The following CCBE1 variants were observed in gnomAD, a reference collection of about 807,000 sequenced individuals.
CCBE1 encodes collagen and calcium-binding EGF domain-containing protein 1.
Under a neutral mutation model 50.0 loss-of-function variants are expected in CCBE1, and 37 were observed. The observed-to-expected ratio is 0.74, with a 90% CI of 0.57 to 0.97. The LOEUF is 0.97. CCBE1 is among the 50% of genes least tolerant of loss of function. CCBE1 has a pLI of 0.00. For synonymous variants in CCBE1, 234 were observed against 203.7 expected, an observed-to-expected ratio of 1.15 and a Z score of -1.27; for missense variants, 538 against 523.8, an observed-to-expected ratio of 1.03 and a Z score of -0.26.
chr18:59,486,744 G>T (rs1190888395), intron 2 of CCBE1, among the ~76,000 whole-genome samples: 2 of 152,170 alleles, frequency 1.3e-5, no homozygotes, highest in East Asian at 3.9e-4. Flanking sequence ...AGTCTGGTGA[G>T]AAGGAAGACT....
intron 2 of CCBE1, among the ~76,000 whole-genome samples, chr18:59,668,960 G>C (rs1235482766): frequency 6.6e-6 from 1 of 151,434 alleles, no homozygotes; most frequent in Non-Finnish European, 1.5e-5. Flanking sequence ...GAGTAGCTGG[G>C]ATTACTGGGA....
intron 2 of CCBE1, among the ~76,000 whole-genome samples, chr18:59,567,120 T>A (rs1438267806): frequency 6.6e-6 from 1 of 152,156 alleles, no homozygotes. Context: ...TTTTTTCTTT[T>A]CTTTTCTTTT....
chr18:59,611,704 C>G lies in CCBE1; in HGVS notation c.212+84925G>C, dbSNP rs565387724. On this transcript the variant is annotated intron_variant, in intron 2 of 10. Coordinates refer to ENST00000439986, the MANE Select transcript of CCBE1 (RefSeq NM_133459.4). The stretch of plus-strand genomic sequence containing the variant: ...GAGGTTGCAGTGAACCAAGATTGTG[C>G]CACTGCACTCCAGCATGGGCAACAG... Among the ~76,000 whole-genome samples the G allele has an allele frequency of 5.3e-5, 8 of 152,116 alleles. No homozygotes were observed. In the East Asian group the frequency reaches 1.5e-3, roughly 29 times the overall value.
At chr18:59,528,837 T>G (rs1262343715) in intron 2 of CCBE1, among the ~76,000 whole-genome samples, 1 of 152,178 alleles carries the variant, frequency 6.6e-6, no homozygotes, top group African/African-American at 2.4e-5. Flanking sequence ...TGCTCCTTCC[T>G]CTGGGAGCTC....
At chr18:59,695,257 G>T (rs539494399) in intron 2 of CCBE1, among the ~76,000 whole-genome samples, 2 of 152,182 alleles carry the variant, frequency 1.3e-5, no homozygotes, top group African/African-American at 4.8e-5. Flanking sequence ...CACTGTGGTC[G>T]TGTGGATGAA....
At chr18:59,686,586 A>G (rs2054657139) in intron 2 of CCBE1, among the ~76,000 whole-genome samples, 1 of 152,166 alleles carries the variant, frequency 6.6e-6, no homozygotes, top group Admixed American at 6.5e-5. Flanking sequence ...ATGCTTTTGT[A>G]TATCCATCTT....
chr18:59,563,513 C>T, intron 2 of CCBE1, among the ~76,000 whole-genome samples: 1 of 152,138 alleles, frequency 6.6e-6, no homozygotes, highest in East Asian at 1.9e-4. Context: ...TGGGCCTACT[C>T]AGACAGGCTC....
chr18:59,547,667 A>C (rs73963231), intron 2 of CCBE1, among the ~76,000 whole-genome samples: 1 of 152,134 alleles, frequency 6.6e-6, no homozygotes, highest in African/African-American at 2.4e-5. Flanking sequence ...GCTGAAGACA[A>C]TTTTGGTCTA....
chr18:59,474,999 T>C (rs1912239082), intron 3 of CCBE1, among the ~76,000 whole-genome samples: 1 of 152,240 alleles, frequency 6.6e-6, no homozygotes, highest in East Asian at 1.9e-4. Context: ...TGTGAATCTT[T>C]CCAGCCTCCT....
chr18:59,647,703 A>G (rs992137599), intron 2 of CCBE1, among the ~76,000 whole-genome samples: 1 of 152,244 alleles, frequency 6.6e-6, no homozygotes, highest in Non-Finnish European at 1.5e-5. Flanking sequence ...TGCAATGTTC[A>G]TCTAGGTACT....
chr18:59,484,541 T>G (rs1185055101), intron 2 of CCBE1, among the ~76,000 whole-genome samples: 1 of 152,238 alleles, frequency 6.6e-6, no homozygotes, highest in Non-Finnish European at 1.5e-5. Context: ...GTCCACGCAG[T>G]GGAGTAAGAA....
At chr18:59,661,617 A>G (rs1215872128) in intron 2 of CCBE1, among the ~76,000 whole-genome samples, 1 of 152,178 alleles carries the variant, frequency 6.6e-6, no homozygotes, top group East Asian at 1.9e-4. Context: ...AATATTCTCA[A>G]CCAATCAATA....
At chr18:59,696,540 C>A in intron 2 of CCBE1, 89 bp downstream of exon 2, 1 of 1,596,202 alleles carries the variant, frequency 6.3e-7, no homozygotes. Flanking sequence ...CGGTCCCAAG[C>A]GCGTCTCCAA....
chr18:59,594,140 C>T (rs1326152907), intron 2 of CCBE1, among the ~76,000 whole-genome samples: 1 of 152,202 alleles, frequency 6.6e-6, no homozygotes, highest in Admixed American at 6.5e-5. Context: ...TTGGGGCCCC[C>T]AAAACCAAGG....
chr18:59,672,073 G>A (rs1443357499), intron 2 of CCBE1, among the ~76,000 whole-genome samples: 1 of 152,134 alleles, frequency 6.6e-6, no homozygotes, highest in Non-Finnish European at 1.5e-5. Flanking sequence ...TACAATCAGA[G>A]TAGAACTTGG....
chr18:59,689,811 T>C (rs899094548), intron 2 of CCBE1, among the ~76,000 whole-genome samples: 3 of 152,234 alleles, frequency 2.0e-5, no homozygotes, highest in African/African-American at 7.2e-5. Context: ...GCTTTCACAT[T>C]GCAATAATTC....
At chr18:59,505,194 G>T (rs898950001) in intron 2 of CCBE1, among the ~76,000 whole-genome samples, 5 of 152,144 alleles carry the variant, frequency 3.3e-5, no homozygotes, top group Non-Finnish European at 7.3e-5. Context: ...ATAGAACTTT[G>T]GGCCACATTC....
At chr18:59,691,504 C>A (rs573940030) in intron 2 of CCBE1, among the ~76,000 whole-genome samples, 2 of 152,236 alleles carry the variant, frequency 1.3e-5, no homozygotes, top group Non-Finnish European at 2.9e-5. Context: ...CTCCCAGGTT[C>A]AAGTGACTCT....
At chr18:59,502,198 C>T (rs1913654492) in intron 2 of CCBE1, among the ~76,000 whole-genome samples, 1 of 152,114 alleles carries the variant, frequency 6.6e-6, no homozygotes, top group South Asian at 2.1e-4. Context: ...TGCTGAGCTG[C>T]CCAAGGGTAA....
Sources: allele counts gnomAD v4.1 joint callset (sites outside exome capture counted in the v4.1 genomes callset), GRCh38; gene constraint gnomAD v4.1.1; transcripts MANE v1.5; gene names NCBI Gene and HGNC (gene_info 2026-07-23, HGNC 2026-07-21).